FBLN7: variants seen among roughly 807,000 people sequenced by gnomAD.
FBLN7 encodes fibulin-7.
Under a neutral mutation model 44.0 loss-of-function variants are expected in FBLN7, and 31 were observed. That is an observed-to-expected ratio of 0.70 (90% CI 0.53 to 0.95). FBLN7 has a LOEUF of 0.95. Among genes scored for constraint, FBLN7 ranks in the 40% least tolerant of loss-of-function variants. FBLN7 has a pLI of 0.00. For synonymous variants in FBLN7, 262 were observed against 253.4 expected (o/e 1.03, Z -0.32); for missense variants, 573 against 618.5 (o/e 0.93, Z 0.78).
At chr2:112,194,930 T>A in the FBLN7 span, among the ~76,000 whole-genome samples, 501 of 152,224 alleles carry the variant, frequency 3.3e-3, 1 homozygote, top group Non-Finnish European at 5.8e-3. Flanking sequence ...AGAAACAGAG[T>A]GAGAAATCCA....
chr2:112,193,741 T>C, the FBLN7 span, among the ~76,000 whole-genome samples: 3 of 152,134 alleles, frequency 2.0e-5, no homozygotes, highest in African/African-American at 7.2e-5. Context: ...TCCTAGGAGT[T>C]TGGCCTTAGG....
At chr2:112,155,476 C>A (rs900991657) in intron 1 of FBLN7, among the ~76,000 whole-genome samples, 5 of 152,232 alleles carry the variant, frequency 3.3e-5, no homozygotes, top group African/African-American at 9.6e-5. Flanking sequence ...AAGATGCTTC[C>A]TTGTACCACG....
the FBLN7 span, among the ~76,000 whole-genome samples, chr2:112,226,926 GAATAA>G: frequency 9.9e-5 from 15 of 152,076 alleles, no homozygotes; most frequent in African/African-American, 3.1e-4. Context: ...TATATCATGT[GAATAA>G]AATAAGAGGA....
At chr2:112,238,885 A>G in the FBLN7 span, among the ~76,000 whole-genome samples, 2 of 152,224 alleles carry the variant, frequency 1.3e-5, no homozygotes, top group Non-Finnish European at 2.9e-5. Flanking sequence ...CAGTTCACAC[A>G]TTACATTTCT....
the FBLN7 span, among the ~76,000 whole-genome samples, chr2:112,198,209 A>G: frequency 6.6e-5 from 10 of 152,150 alleles, no homozygotes; most frequent in African/African-American, 2.4e-4. Context: ...CTGGATGTTT[A>G]TGTCTCCCCC....
At chr2:112,175,685 G>A (rs372231888) in intron 3 of FBLN7, 29 bp from the exon 4 acceptor site, 45 of 1,612,354 alleles carry the variant, frequency 2.8e-5, no homozygotes, top group Non-Finnish European at 3.2e-5. Flanking sequence ...ACTCACATCC[G>A]TATATTTGAA....
intron 2 of FBLN7, 125 bp from the exon 3 acceptor site, chr2:112,164,876 A>G: frequency 9.6e-7 from 1 of 1,041,070 alleles, no homozygotes; most frequent in Middle Eastern, 3.0e-4. Context: ...TGACCAGCAC[A>G]GTGCACAGCC....
chr2:112,234,805 GA>G, the FBLN7 span, among the ~76,000 whole-genome samples: 182 of 134,846 alleles, frequency 1.3e-3, no homozygotes, highest in Middle Eastern at 3.8e-3. Flanking sequence ...ATCTCAGGGA[GA>G]AAAAAAAAAA....
intron 1 of FBLN7, among the ~76,000 whole-genome samples, chr2:112,148,336 T>C (rs1680987293): frequency 6.6e-6 from 1 of 152,100 alleles, no homozygotes; most frequent in Non-Finnish European, 1.5e-5. Context: ...AACCCTGAAG[T>C]AGAGATTTTA....
chr2:112,185,301 G>T lies in FBLN7; in HGVS notation c.909G>T (p.Glu303Asp). The T allele has an allele frequency of 6.8e-6, 11 of 1,613,900 alleles. No individual in the cohort carries two copies. Among genetic ancestry groups the T allele is most frequent in the Non-Finnish European group, 9.3e-6 (11 of 1,179,824 alleles). The change falls in exon 7 of 8, where the codon GAG becomes GAT. Residue 303 changes from glutamate to aspartate, a missense_variant. By Grantham distance (45) the Glu-to-Asp change is conservative. Transcript: ENST00000331203. ...SFQCVSPECP[E>D]GSGNVSYVKT... is the part of the protein sequence containing the mutation. Reference sequence around the variant, plus strand: ...AGTGTGTCAGCCCTGAGTGCCCCGAGGGCAGCGGCAATGTGAGCTACGTGA... The same window carrying T: ...AGTGTGTCAGCCCTGAGTGCCCCGATGGCAGCGGCAATGTGAGCTACGTGA...
At chr2:112,213,775 CAAAAAAAAAAAAAAAA>C in the FBLN7 span, 39 of 24,080 alleles carry the variant, frequency 1.6e-3, no homozygotes, top group East Asian at 5.6e-3. Context: ...GACTCCGTCT[CAAAAAAAAAAAAAAAA>C]AAAAAAAAAA....
At chr2:112,169,555 G>T (rs1248481114) in intron 3 of FBLN7, among the ~76,000 whole-genome samples, 1 of 152,168 alleles carries the variant, frequency 6.6e-6, no homozygotes, top group Non-Finnish European at 1.5e-5. Context: ...CATGCTGGTG[G>T]AAAGGAATCT....
chr2:112,143,899 A>C (rs1326729090), intron 1 of FBLN7, among the ~76,000 whole-genome samples: 1 of 152,138 alleles, frequency 6.6e-6, no homozygotes, highest in Non-Finnish European at 1.5e-5. Context: ...ATGTCATATA[A>C]ATGGAAAAGA....
chr2:112,160,721 C>T (rs1425544827), intron 2 of FBLN7, among the ~76,000 whole-genome samples: 1 of 133,598 alleles, frequency 7.5e-6, no homozygotes, highest in Admixed American at 7.3e-5. Flanking sequence ...CACAAGCACG[C>T]GCACACGCAC....
At chr2:112,194,612 C>T in the FBLN7 span, among the ~76,000 whole-genome samples, 1 of 152,206 alleles carries the variant, frequency 6.6e-6, no homozygotes, top group Non-Finnish European at 1.5e-5. Flanking sequence ...GCCACTGAGT[C>T]CTGGGAGGTG....
chr2:112,232,112 C>T, the FBLN7 span, among the ~76,000 whole-genome samples: 1 of 152,140 alleles, frequency 6.6e-6, no homozygotes, highest in South Asian at 2.1e-4. Context: ...GAGTTCAAGA[C>T]CAACCTAGCC....
At chr2:112,236,085 G>A in the FBLN7 span, among the ~76,000 whole-genome samples, 8 of 151,978 alleles carry the variant, frequency 5.3e-5, no homozygotes, top group Non-Finnish European at 1.0e-4. Context: ...CCAACATGGC[G>A]AAACCCTGTC....
intron 3 of FBLN7, 45 bp downstream of exon 3, chr2:112,165,216 T>C (rs2104574988): frequency 6.3e-6 from 10 of 1,577,246 alleles, no homozygotes; most frequent in Non-Finnish European, 8.6e-6. Flanking sequence ...CCCATCACAG[T>C]ATAGCAAGGG....
At chr2:112,233,485 T>C in the FBLN7 span, 10 of 697,876 alleles carry the variant, frequency 1.4e-5, no homozygotes, top group Non-Finnish European at 2.5e-5. Context: ...ACCAAAGTCT[T>C]AGAGGTAGCA....
Sources: gnomAD v4.1 joint callset for allele counts (sites outside exome capture counted in the v4.1 genomes callset) on GRCh38, gnomAD v4.1.1 for gene constraint, MANE v1.5 for transcripts, NCBI Gene and HGNC (gene_info 2026-07-23, HGNC 2026-07-21) for gene names.